The following OSBP2 variants were observed in gnomAD, a reference collection of about 807,000 sequenced individuals.
The protein encoded by OSBP2 is oxysterol binding protein 2, also known as oxysterol-binding protein 2.
In OSBP2, 66 loss-of-function variants were observed where a neutral mutation model predicts 96.0. The observed-to-expected ratio is 0.69, with a 90% CI of 0.56 to 0.84. The LOEUF is 0.84. Among genes scored for constraint, OSBP2 ranks in the 40% least tolerant of loss-of-function variants. OSBP2 has a pLI of 0.00. For missense variants in OSBP2, 1,038 were observed against 1,222.7 expected, an observed-to-expected ratio of 0.85 and a Z score of 2.25; for synonymous variants, 525 against 520.9, an observed-to-expected ratio of 1.01 and a Z score of -0.11.
chr22:30,878,951 G>C (rs1189914579), intron 3 of OSBP2, among the ~76,000 whole-genome samples: 1 of 152,214 alleles, frequency 6.6e-6, no homozygotes, highest in Non-Finnish European at 1.5e-5. Context: ...ACCAGATAGA[G>C]TGGGCACTGG....
rs1016059493 is a variant in OSBP2, at chr22:30,905,818, GCCACCA to G, written c.2376-13_2376-8del. 9.3e-6 allele frequency: 15 copies of G among 1,610,188 alleles called. No individual in the cohort carries two copies. In the African/African-American group the frequency reaches 1.7e-4, roughly 19 times the overall value. On this transcript the variant is annotated splice_polypyrimidine_tract_variant and intron_variant, in intron 12 of 13. Coordinates refer to ENST00000332585, the MANE Select transcript of OSBP2 (RefSeq NM_030758.4). ...GGCTCACACCGCAGCCACCGCCACC[GCCACCA>G]CCACCGCCACAGGGAGAACGCGGAG...
intron 2 of OSBP2, among the ~76,000 whole-genome samples, chr22:30,800,591 G>A (rs1417396268): frequency 1.3e-5 from 2 of 152,158 alleles, no homozygotes; most frequent in African/African-American, 2.4e-5. Context: ...AGCAGCAATG[G>A]AAGTCACAGT....
intron 2 of OSBP2, among the ~76,000 whole-genome samples, chr22:30,822,224 CTT>C (rs147315675): frequency 0.017 from 2,538 of 152,352 alleles, 59 homozygotes; most frequent in African/African-American, 0.055. Flanking sequence ...CATCTTTGCC[CTT>C]TGAGATAAAG....
intron 1 of OSBP2, among the ~76,000 whole-genome samples, chr22:30,701,452 T>G (rs1057121521): frequency 6.6e-6 from 1 of 150,824 alleles, no homozygotes; most frequent in Non-Finnish European, 1.5e-5. Flanking sequence ...CATGCTATTC[T>G]CCTGCCTCAG....
At chr22:30,792,253 C>CA (rs2090685593) in intron 2 of OSBP2, among the ~76,000 whole-genome samples, 1 of 151,564 alleles carries the variant, frequency 6.6e-6, no homozygotes. Flanking sequence ...GTGGAGCTTG[C>CA]AGTGAATTGA....
rs1370245887 is a variant in OSBP2 at position 30,905,843 on chromosome 22, C to T, written c.2382C>T (p.Asn794=). ...LLWKKYPLPE[N]AENMYYFSEL... ...GCCACCACCACCGCCACAGGGAGAACGCGGAGAACATGTACTACTTCTCAG... is the reference window on the plus strand; with the variant it reads ...GCCACCACCACCGCCACAGGGAGAATGCGGAGAACATGTACTACTTCTCAG... The change falls in exon 13 of 14, where the codon AAC becomes AAT. Residue 794 remains asparagine, a synonymous_variant. Coordinates refer to ENST00000332585, the MANE Select transcript of OSBP2 (RefSeq NM_030758.4). The T allele has an allele frequency of 1.2e-6, 2 of 1,613,096 alleles. No individual in the cohort carries two copies. The highest frequency in any genetic ancestry group is 2.7e-5 in the African/African-American group (2 of 75,032).
chr22:30,795,907 T>A (rs1357386508), intron 2 of OSBP2, among the ~76,000 whole-genome samples: 1 of 152,250 alleles, frequency 6.6e-6, no homozygotes, highest in African/African-American at 2.4e-5. Context: ...GTTGAAATGC[T>A]CCATGTATTC....
At chr22:30,746,599 C>T (rs1463108579) in intron 2 of OSBP2, among the ~76,000 whole-genome samples, 1 of 149,084 alleles carries the variant, frequency 6.7e-6, no homozygotes, top group Non-Finnish European at 1.5e-5. Context: ...AAGCGATTCT[C>T]CTGCCTCAGC....
chr22:30,860,380 G>A (rs8142410), intron 2 of OSBP2, among the ~76,000 whole-genome samples: 46,809 of 152,012 alleles, frequency 0.31, 7,924 homozygotes, highest in African/African-American at 0.46. Flanking sequence ...AGAAGCAGGT[G>A]GGTCCCTGGT....
At chr22:30,757,100 C>A (rs1398347064) in intron 2 of OSBP2, among the ~76,000 whole-genome samples, 1 of 152,120 alleles carries the variant, frequency 6.6e-6, no homozygotes, top group African/African-American at 2.4e-5. Context: ...TGGCCTTGAT[C>A]AGTACCTGTC....
In OSBP2 at chr22:30,890,282, G is replaced by A. The variant is rs924179090; in HGVS notation, c.1624-446G>A. On this transcript the variant is annotated intron_variant, in intron 7 of 13. Transcript: ENST00000332585. This position sits in a 1 kb window ranked among gnomAD's most constrained non-coding sequence, Gnocchi z 4.4. Reference sequence around the variant, plus strand: ...GAGTGACCCTGCCCTATGTGACACCGAGATAGGGGCCTTGGGCCTAACCCA... The same window carrying A: ...GAGTGACCCTGCCCTATGTGACACCAAGATAGGGGCCTTGGGCCTAACCCA... Among the ~76,000 whole-genome samples the A allele has an allele frequency of 6.6e-6, 1 of 152,098 alleles. No homozygotes were observed. The highest frequency in any genetic ancestry group is 2.4e-5 in the African/African-American group (1 of 41,406).
intron 2 of OSBP2, among the ~76,000 whole-genome samples, chr22:30,774,152 G>A (rs2090396671): frequency 1.3e-5 from 2 of 152,184 alleles, no homozygotes; most frequent in Admixed American, 1.3e-4. Flanking sequence ...CAGGGGGGCT[G>A]GGCCCTTCCT....
chr22:30,716,233 G>A (rs1361902591), intron 1 of OSBP2, among the ~76,000 whole-genome samples: 1 of 151,068 alleles, frequency 6.6e-6, no homozygotes, highest in East Asian at 2.0e-4. Context: ...GTAGAGATGG[G>A]GTTTTGCCAT....
At chr22:30,858,097 A>G (rs1288131782) in intron 2 of OSBP2, among the ~76,000 whole-genome samples, 1 of 151,730 alleles carries the variant, frequency 6.6e-6, no homozygotes, top group East Asian at 1.9e-4. Context: ...GAATCACAAG[A>G]TAATCAGGTT....
chr22:30,850,316 A>T (rs1390135232), intron 2 of OSBP2, among the ~76,000 whole-genome samples: 1 of 151,816 alleles, frequency 6.6e-6, no homozygotes, highest in East Asian at 1.9e-4. Flanking sequence ...CAAAAAAAAA[A>T]AAAAAAATTC....
intron 1 of OSBP2, among the ~76,000 whole-genome samples, chr22:30,699,616 A>G (rs1179187693): frequency 2.0e-5 from 3 of 152,206 alleles, no homozygotes; most frequent in Non-Finnish European, 4.4e-5. Context: ...GTGATCGCTC[A>G]TTGTAGTCCT....
In OSBP2 at chr22:30,907,080, T is replaced by TCACCCTAGCCAGCCTGGGTGG. The variant is rs2040349759; in HGVS notation, c.*743_*763dup. On this transcript the variant is annotated 3_prime_UTR_variant, in exon 14 of 14. Coordinates refer to ENST00000332585, the MANE Select transcript of OSBP2 (RefSeq NM_030758.4). ...GATTTGAGGGCAGCAGTCCCTGGCCTCACCCTAGCCAGCCTGGGTGGCTCC... is the reference window on the plus strand; with the variant it reads ...GATTTGAGGGCAGCAGTCCCTGGCCTCACCCTAGCCAGCCTGGGTGGCACCCTAGCCAGCCTGGGTGGCTCC... The TCACCCTAGCCAGCCTGGGTGG allele has an allele frequency of 1.3e-5, 2 of 152,628 alleles. No homozygotes were observed. The highest frequency in any genetic ancestry group is 1.3e-4 in the Admixed American group (2 of 15,272). The allele number at this position is 152,628 out of a possible 1,614,324, so 9.5% of individuals were successfully genotyped here. A position where few individuals can be genotyped will look rare whatever the true frequency, so the allele number is the denominator to read the frequency against.
In OSBP2 at chr22:30,875,197, G is replaced by A. The variant is rs530796010; in HGVS notation, c.1107+4515G>A. 5.9e-5 allele frequency among the ~76,000 whole-genome samples: 9 copies of A among 152,136 alleles called. 1 individual carries two copies. In the South Asian group the frequency reaches 8.3e-4, roughly 14 times the overall value. On this transcript the variant is annotated intron_variant, in intron 3 of 13. Coordinates refer to ENST00000332585, the MANE Select transcript of OSBP2 (RefSeq NM_030758.4). ...CCCAGCCCCGAGGCCTCAGCCTGCC[G>A]AGGTCACCCCTGCACCCCGCACCCC... is the stretch of plus-strand genomic sequence containing the variant.
intron 1 of OSBP2, among the ~76,000 whole-genome samples, chr22:30,707,665 C>G (rs73400344): frequency 6.7e-6 from 1 of 149,234 alleles, no homozygotes; most frequent in Non-Finnish European, 1.5e-5. Flanking sequence ...TGCAGTGAGT[C>G]GAGATCATGC....
Sources: gnomAD v4.1 joint callset for allele counts (sites outside exome capture counted in the v4.1 genomes callset) on GRCh38, gnomAD v4.1.1 for gene constraint, Gnocchi (gnomAD v3.1) non-coding constraint, MANE v1.5 for transcripts, NCBI Gene and HGNC (gene_info 2026-07-23, HGNC 2026-07-21) for gene names.